Variants in FMN2 observed in about 807,000 individuals in gnomAD.
FMN2 encodes the protein formin-2.
A neutral mutation model predicts 142.3 loss-of-function variants in FMN2; 51 were observed. That is an observed-to-expected ratio of 0.36 (90% confidence interval 0.29 to 0.45). FMN2 has a LOEUF of 0.45. Among genes scored for constraint, FMN2 ranks in the 20% least tolerant of loss-of-function variants. FMN2 has a pLI of 1.00. For missense variants in FMN2, 1,936 were observed against 2,122.8 expected (o/e 0.91, Z 1.73); for synonymous variants, 882 against 869.8 (o/e 1.01, Z -0.25).
chr1:240,367,294 G>T (rs1208442143), intron 14 of FMN2, among the ~76,000 whole-genome samples: 4 of 152,002 alleles, frequency 2.6e-5, no homozygotes, highest in Non-Finnish European at 4.4e-5. Context: ...TGAGTTATTA[G>T]GACATCTTTA....
chr1:240,185,670 A>G (rs902147253), intron 3 of FMN2, among the ~76,000 whole-genome samples: 2 of 152,248 alleles, frequency 1.3e-5, no homozygotes, highest in Non-Finnish European at 2.9e-5. Flanking sequence ...GTCAAGGACT[A>G]TAGAACAAAG....
chr1:240,145,011 C>G, intron 2 of FMN2: 1 of 1,333,370 alleles, frequency 7.5e-7, no homozygotes, highest in Non-Finnish European at 1.1e-6. Context: ...ATGTCAGCAG[C>G]AAAATGCTCA....
intron 15 of FMN2, among the ~76,000 whole-genome samples, chr1:240,433,358 TAGG>T (rs1675244133): frequency 1.3e-5 from 2 of 152,242 alleles, no homozygotes; most frequent in Non-Finnish European, 2.9e-5. Flanking sequence ...ACTGAAATGT[TAGG>T]AGAAATAGAT....
At chr1:240,252,174 G>T (rs1468573194) in intron 6 of FMN2, among the ~76,000 whole-genome samples, 1 of 152,144 alleles carries the variant, frequency 6.6e-6, no homozygotes, top group East Asian at 1.9e-4. Context: ...CTCCCAAAGT[G>T]CTAGGATTAC....
intron 2 of FMN2, among the ~76,000 whole-genome samples, chr1:240,137,694 A>T (rs1389837025): frequency 1.3e-5 from 2 of 152,130 alleles, no homozygotes. Context: ...GTGGTACAGT[A>T]GTTGATAAAG....
chr1:240,296,438 C>CCT (rs1669986347), intron 8 of FMN2, among the ~76,000 whole-genome samples: 1 of 46,914 alleles, frequency 2.1e-5, no homozygotes, highest in South Asian at 1.1e-3. Flanking sequence ...TCTTTGAGTG[C>CCT]TTTTTTTTTT....
chr1:240,186,040 C>G (rs1236947536), intron 3 of FMN2, among the ~76,000 whole-genome samples: 3 of 152,104 alleles, frequency 2.0e-5, no homozygotes, highest in Non-Finnish European at 4.4e-5. Context: ...CTATATTTAT[C>G]TGGGAAAATG....
chr1:240,316,927 G>T (rs1236587615), intron 8 of FMN2, among the ~76,000 whole-genome samples: 3 of 152,068 alleles, frequency 2.0e-5, no homozygotes, highest in Non-Finnish European at 4.4e-5. Flanking sequence ...CACTCCTACT[G>T]GGTGTGGGCA....
At chr1:240,143,458 G>GTTTCCTT in intron 2 of FMN2, 2 of 1,498,820 alleles carry the variant, frequency 1.3e-6, no homozygotes. Context: ...GTCAGCAGGG[G>GTTTCCTT]TTTCCTTTTT....
At position 240,123,363 on chromosome 1, in the gene FMN2, C is replaced by T; in HGVS notation, c.1782+18C>T. 1 of 1,606,420 alleles carries T rather than the reference C, an allele frequency of 6.2e-7. No individual in the cohort carries two copies. The highest frequency in any genetic ancestry group is 8.5e-7 in the Non-Finnish European group (1 of 1,175,090). On this transcript the variant is annotated intron_variant, in intron 2 of 17. Coordinates refer to ENST00000319653, the MANE Select transcript of FMN2 (RefSeq NM_020066.5). ...CGTTTGATGTAAGTAGGAGAATTCA[C>T]TTCTGTCCGTGAGGCAGATTTGCTG...
intron 3 of FMN2, among the ~76,000 whole-genome samples, chr1:240,186,761 G>A (rs1424151956): frequency 6.6e-6 from 1 of 152,186 alleles, no homozygotes; most frequent in Non-Finnish European, 1.5e-5. Context: ...ACAGATGGAG[G>A]TGGGTAGAGA....
chr1:240,467,246 C>T (rs1395353547), intron 16 of FMN2, among the ~76,000 whole-genome samples: 2 of 150,708 alleles, frequency 1.3e-5, no homozygotes, highest in African/African-American at 2.4e-5. Flanking sequence ...CAATGATGAA[C>T]ATGGGCCATC....
chr1:240,334,062 A>G (rs1671475890), intron 12 of FMN2, 47 bp from the exon 13 acceptor site: 1 of 1,570,632 alleles, frequency 6.4e-7, no homozygotes, highest in East Asian at 2.3e-5. Context: ...TCTTTTTTAT[A>G]TTGATAACCA....
intron 2 of FMN2, among the ~76,000 whole-genome samples, chr1:240,142,508 G>T (rs1044613164): frequency 1.6e-4 from 5 of 31,386 alleles, no homozygotes; most frequent in African/African-American, 3.3e-4. Context: ...TATTTTTTGG[G>T]GGGGGATAAA....
intron 6 of FMN2, among the ~76,000 whole-genome samples, chr1:240,215,055 A>G (rs1339291444): frequency 2.0e-5 from 3 of 152,130 alleles, no homozygotes; most frequent in African/African-American, 4.8e-5. Context: ...TGACAGATTA[A>G]GACCCTCTCT....
intron 13 of FMN2, among the ~76,000 whole-genome samples, chr1:240,347,619 G>T (rs1033107838): frequency 1.3e-5 from 2 of 152,044 alleles, no homozygotes; most frequent in African/African-American, 2.4e-5. Flanking sequence ...TAAGGTTTGG[G>T]GTAGGAATGA....
chr1:240,433,463 A>G (rs1001665630), intron 15 of FMN2, among the ~76,000 whole-genome samples: 3 of 151,896 alleles, frequency 2.0e-5, no homozygotes, highest in African/African-American at 7.3e-5. Flanking sequence ...TGCATTTTCT[A>G]TTTTCTTTGT....
intron 3 of FMN2, among the ~76,000 whole-genome samples, chr1:240,180,714 C>T (rs376382910): frequency 6.6e-6 from 1 of 151,684 alleles, no homozygotes; most frequent in African/African-American, 2.4e-5. Flanking sequence ...TTACATGCGC[C>T]CAACACCATG....
chr1:240,395,254 A>T (rs572093732), intron 15 of FMN2, among the ~76,000 whole-genome samples: 1 of 152,346 alleles, frequency 6.6e-6, no homozygotes, highest in East Asian at 1.9e-4. Context: ...CCTTCAAAAT[A>T]TCACATCTCA....
Sources: gnomAD v4.1 joint callset for allele counts (sites outside exome capture counted in the v4.1 genomes callset) on GRCh38, gnomAD v4.1.1 for gene constraint, MANE v1.5 for transcripts, NCBI Gene and HGNC (gene_info 2026-07-23, HGNC 2026-07-21) for gene names.